The following AKAP8L variants were observed in gnomAD, a reference collection of about 807,000 sequenced individuals.
AKAP8L encodes A-kinase anchoring protein 8 like.
Under a neutral mutation model 77.5 loss-of-function variants are expected in AKAP8L, and 34 were observed. The ratio of observed to expected loss-of-function variants is 0.44; its 90% CI spans 0.33 to 0.58. AKAP8L has a LOEUF of 0.58. Ranked by LOEUF, AKAP8L falls within the 20% of genes least tolerant of loss-of-function variation. The pLI is 0.02. For synonymous variants in AKAP8L, 342 were observed against 340.7 expected, an observed-to-expected ratio of 1.00 and a Z score of -0.04; for missense variants, 806 against 887.6, an observed-to-expected ratio of 0.91 and a Z score of 1.17.
At chr19:15,415,885 C>CA (rs1457611915) in intron 1 of AKAP8L, among the ~76,000 whole-genome samples, 30 of 63,934 alleles carry the variant, frequency 4.7e-4, no homozygotes, top group Non-Finnish European at 7.1e-4. Flanking sequence ...GACTCCGTCT[C>CA]AAAAAAAAAA....
Position 15,401,727 on chromosome 19 carries a change from G to T in AKAP8L, c.363-124C>A, listed in dbSNP as rs917063044. Reference sequence around the variant, plus strand: ...CCCTGCCCTGGTTGGGAGGCTCAATGTTCAGAAATGCCGATTAAAGAGTTC... The same window carrying T: ...CCCTGCCCTGGTTGGGAGGCTCAATTTTCAGAAATGCCGATTAAAGAGTTC... On this transcript the variant is annotated intron_variant, in intron 4 of 13. Transcript: ENST00000397410. This position sits in a 1 kb window ranked among gnomAD's most constrained non-coding sequence, Gnocchi z 6.2. The T allele has an allele frequency of 5.4e-6, 4 of 746,574 alleles. No individual in the cohort carries two copies. Among genetic ancestry groups the T allele is most frequent in the Non-Finnish European group, 8.5e-6 (4 of 470,794 alleles). 46.2% of individuals were successfully genotyped at this position (746,574 alleles called of 1,614,324 possible).
intron 12 of AKAP8L, among the ~76,000 whole-genome samples, chr19:15,385,260 A>G (rs1183635452): frequency 6.7e-6 from 1 of 150,118 alleles, no homozygotes. Context: ...TACAGGCGTG[A>G]GCCACCGCGC....
rs566874886 is a variant in AKAP8L at position 15,416,892 on chromosome 19, G to A, written c.13+2019C>T. On this transcript the variant is annotated intron_variant, in intron 1 of 13. Transcript: ENST00000397410. ...GTTTAATAATGCTAACATTTGCTTC[G>A]AGGCCTCTAGGACTTACCCTTAAAG... Among the ~76,000 whole-genome samples, 5 of 152,248 alleles carry A rather than the reference G, an allele frequency of 3.3e-5. No homozygotes were observed. The South Asian group carries it at 8.3e-4, about 25-fold the overall frequency.
At chr19:15,405,376 A>G (rs551717430) in intron 2 of AKAP8L, among the ~76,000 whole-genome samples, 1 of 152,208 alleles carries the variant, frequency 6.6e-6, no homozygotes, top group Admixed American at 6.5e-5. Context: ...TCTACCAAAA[A>G]TACAAAATTA....
At chr19:15,387,575 T>C (rs1428483083) in intron 12 of AKAP8L, among the ~76,000 whole-genome samples, 1 of 152,038 alleles carries the variant, frequency 6.6e-6, no homozygotes, top group Non-Finnish European at 1.5e-5. Flanking sequence ...ACCCATAGGC[T>C]AACTAGGTTA....
chr19:15,402,315 G>A (rs541926459), intron 4 of AKAP8L, among the ~76,000 whole-genome samples: 3 of 152,160 alleles, frequency 2.0e-5, no homozygotes, highest in East Asian at 1.9e-4. Flanking sequence ...TCTTTTAACC[G>A]TGACTGCAGC....
chr19:15,393,669 C>T, intron 12 of AKAP8L, among the ~76,000 whole-genome samples: 1 of 152,032 alleles, frequency 6.6e-6, no homozygotes, highest in Admixed American at 6.6e-5. Context: ...GCCTGTAATC[C>T]CACCACTTTA....
At position 15,380,261 on chromosome 19, in the gene AKAP8L, G is replaced by A; in HGVS notation, c.1802C>T (p.Ser601Leu). Reference sequence around the variant, plus strand: ...CTCTGGGGGCGGCGGCGGTGGCGGCGACACGGCCCCGGGGGCTGGCTCTGG... The same window carrying A: ...CTCTGGGGGCGGCGGCGGTGGCGGCAACACGGCCCCGGGGGCTGGCTCTGG... ...VPPEPAPGAVSPPPPPPPEEE... is the reference protein window; with the variant it reads ...VPPEPAPGAVLPPPPPPPEEE... Residue 601 changes from serine (S) to leucine (L), a missense_variant, in exon 14 of 14, where the codon TCG becomes TTG. Ser to Leu is a moderately radical substitution (Grantham distance 145, BLOSUM62 -2). Coordinates refer to ENST00000397410, the MANE Select transcript of AKAP8L (RefSeq NM_014371.4). 6.7e-7 allele frequency: 1 copy of A among 1,498,908 alleles called. No individual in the cohort carries two copies. Among genetic ancestry groups the A allele is most frequent in the Non-Finnish European group, 8.8e-7 (1 of 1,134,506 alleles). 92.9% of individuals were successfully genotyped at this position (1,498,908 alleles called of 1,614,324 possible).
At position 15,380,552 on chromosome 19, in the gene AKAP8L, T is replaced by G. The variant is rs1334187737; in HGVS notation, c.1597A>C (p.Lys533Gln). The G allele has an allele frequency of 6.2e-7, 1 of 1,613,874 alleles. No individual in the cohort carries two copies. Among genetic ancestry groups the G allele is most frequent in the South Asian group, 1.1e-5 (1 of 91,082 alleles). ...LMVARSILNN[K>Q]LISKKLERYL... The stretch of plus-strand genomic sequence containing the variant: ...CGCTCCAGCTTCTTGCTGATGAGCT[T>G]GTTGTTGAGAATACTGCGGGCCACC... The change falls in exon 13 of 14, where the codon AAG (lysine) becomes CAG (glutamine). Residue 533 changes from lysine to glutamine, a missense_variant. By Grantham distance (53) the Lys-to-Gln change is moderately conservative (BLOSUM62 1). Around this residue, in one of 2 missense-constraint regions of AKAP8L, gnomAD observed 226 missense variants for 193.5 expected, o/e 1.17. Coordinates refer to ENST00000397410, the MANE Select transcript of AKAP8L (RefSeq NM_014371.4).
chr19:15,387,443 C>CT (rs533503193), intron 12 of AKAP8L, among the ~76,000 whole-genome samples: 7 of 149,540 alleles, frequency 4.7e-5, no homozygotes, highest in South Asian at 2.1e-4. Flanking sequence ...ACATTGATAG[C>CT]TTTTTTTTTT....
chr19:15,395,377 G>A (rs996426682), intron 12 of AKAP8L, among the ~76,000 whole-genome samples: 3 of 150,528 alleles, frequency 2.0e-5, no homozygotes, highest in African/African-American at 4.9e-5. Flanking sequence ...TGCGAGTGGC[G>A]CAATCTCGGC....
rs763079794 is a variant in AKAP8L at position 15,399,265 on chromosome 19, C to T, written c.1157+37G>A. ...TGCTCTCCTGGCGGCAGCCCCACAG[C>T]GAGGCAGAGGCAGAGGGGTGGAGGG... On this transcript the variant is annotated intron_variant, in intron 9 of 13. Coordinates refer to ENST00000397410, the MANE Select transcript of AKAP8L (RefSeq NM_014371.4). The surrounding 1 kb of genome is among the most constrained non-coding windows in gnomAD (Gnocchi z 6.1). 75 of 1,573,436 alleles carry T rather than the reference C, an allele frequency of 4.8e-5. No homozygotes were observed. The Middle Eastern group carries it at 6.7e-4, about 14-fold the overall frequency.
At chr19:15,385,294 G>A (rs1203947661) in intron 12 of AKAP8L, among the ~76,000 whole-genome samples, 1 of 132,546 alleles carries the variant, frequency 7.5e-6, no homozygotes, top group Non-Finnish European at 1.6e-5. Flanking sequence ...CCATTCTCTT[G>A]CCTCAGCCTC....
At chr19:15,415,755 G>A (rs1042662128) in intron 1 of AKAP8L, among the ~76,000 whole-genome samples, 6 of 151,704 alleles carry the variant, frequency 4.0e-5, no homozygotes, top group South Asian at 4.2e-4. Flanking sequence ...GTGTGGTGGC[G>A]GGCACCTGTA....
intron 12 of AKAP8L, among the ~76,000 whole-genome samples, chr19:15,392,763 G>A (rs1967688900): frequency 6.6e-6 from 1 of 151,592 alleles, no homozygotes; most frequent in Non-Finnish European, 1.5e-5. Flanking sequence ...GGGCGTGGTG[G>A]TGCGTGCCTG....
chr19:15,394,082 A>G (rs1967720217), intron 12 of AKAP8L, among the ~76,000 whole-genome samples: 1 of 152,214 alleles, frequency 6.6e-6, no homozygotes, highest in Non-Finnish European at 1.5e-5. Context: ...TATACTCAAG[A>G]AAAATGAAAA....
At position 15,398,600 on chromosome 19, in the gene AKAP8L, C is replaced by G; in HGVS notation, c.1157+702G>C. On this transcript the variant is annotated intron_variant, in intron 9 of 13. Transcript: ENST00000397410. This position sits in a 1 kb window ranked among gnomAD's most constrained non-coding sequence, Gnocchi z 9.2. ...GTGGCAAGGGGCGGAGGAGGCCAGCCGCCACCGAGACCTCGGGGCGGGTCC... is the reference window on the plus strand; with the variant it reads ...GTGGCAAGGGGCGGAGGAGGCCAGCGGCCACCGAGACCTCGGGGCGGGTCC... The G allele has an allele frequency of 1.0e-6, 1 of 985,302 alleles. No homozygotes were observed. The highest frequency in any genetic ancestry group is 1.2e-6 in the Non-Finnish European group (1 of 830,220). The allele number at this position is 985,302 out of a possible 1,614,324, so 61.0% of individuals were successfully genotyped here.
Position 15,380,338 on chromosome 19 carries a change from C to G in AKAP8L, c.1725G>C (p.Ala575=). ...CCTCTGCGCCCTCCGAGATCCCTGCCGCTTCGCCCTGCGCCCCCTCGTCCA... is the reference window on the plus strand; with the variant it reads ...CCTCTGCGCCCTCCGAGATCCCTGCGGCTTCGCCCTGCGCCCCCTCGTCCA... The part of the protein sequence containing the change: ...GALDEGAQGE[A]AGISEGAEGV... The change falls in exon 14 of 14, where the codon GCG becomes GCC. Residue 575 remains alanine (A), a synonymous_variant. Coordinates refer to ENST00000397410, the MANE Select transcript of AKAP8L (RefSeq NM_014371.4). The G allele has an allele frequency of 1.3e-6, 2 of 1,544,432 alleles. No homozygotes were observed. Among genetic ancestry groups the G allele is most frequent in the Non-Finnish European group, 1.7e-6 (2 of 1,149,398 alleles).
rs376732384 is a variant in AKAP8L at position 15,415,702 on chromosome 19, A to C, written c.13+3209T>G. The stretch of plus-strand genomic sequence containing the variant: ...GAGATCAAGACCATCCTGGCTAACA[A>C]GGTGAAACCCCGTCTCTACTAAAAA... On this transcript the variant is annotated intron_variant, in intron 1 of 13. Coordinates refer to ENST00000397410, the MANE Select transcript of AKAP8L (RefSeq NM_014371.4). Among the ~76,000 whole-genome samples, 445 of 152,008 alleles carry C rather than the reference A, an allele frequency of 2.9e-3. 3 individuals carry two copies. The highest frequency in any genetic ancestry group is 8.7e-3 in the South Asian group (42 of 4,812).
Sources: gnomAD v4.1 joint callset for allele counts (sites outside exome capture counted in the v4.1 genomes callset) on GRCh38, gnomAD v4.1.1 for gene constraint, gnomAD v4.1.1 regional missense constraint, Gnocchi (gnomAD v3.1) non-coding constraint, MANE v1.5 for transcripts, NCBI Gene and HGNC (gene_info 2026-07-23, HGNC 2026-07-21) for gene names.